The following EEF2 variants were observed in gnomAD, a reference collection of about 807,000 sequenced individuals.
The protein encoded by EEF2 is eukaryotic translation elongation factor 2.
In EEF2, 21 loss-of-function variants were observed where a neutral mutation model predicts 85.3. The ratio of observed to expected loss-of-function variants is 0.25; its 90% CI spans 0.17 to 0.35. EEF2 has a LOEUF of 0.35. Ranked by LOEUF, EEF2 falls within the 10% of genes least tolerant of loss-of-function variation. EEF2 has a pLI of 1.00. For synonymous variants in EEF2, 723 were observed against 508.8 expected (o/e 1.42, Z -5.67); for missense variants, 825 against 1,225.3 (o/e 0.67, Z 4.88).
At chr19:3,982,479 G>A (rs755164897) in intron 4 of EEF2, 55 bp from the exon 5 acceptor site, 2 of 1,609,840 alleles carry the variant, frequency 1.2e-6, no homozygotes, top group Non-Finnish European at 1.7e-6. Context: ...AGAGCCTGAA[G>A]CTACGGGCTG....
At chr19:3,976,798 A>ACT (rs2039684860) in intron 14 of EEF2, 51 bp from the exon 15 acceptor site, 2 of 1,468,390 alleles carry the variant, frequency 1.4e-6, no homozygotes, top group South Asian at 2.8e-5. Flanking sequence ...GTGGCAGGGC[A>ACT]GAAGGAAAGT....
chr19:3,983,174 G>C lies in EEF2; in HGVS notation c.336C>G (p.Ser112=), dbSNP rs979897757. The C allele has an allele frequency of 5.0e-6, 8 of 1,614,000 alleles. No homozygotes were observed. The highest frequency in any genetic ancestry group is 6.8e-6 in the Non-Finnish European group (8 of 1,180,030). The change falls in exon 3 of 15, where the codon TCC becomes TCG. Residue 112 remains serine, a synonymous_variant. Transcript: ENST00000309311. Reference sequence around the variant, plus strand: ...CTCGGAGGGCAGCAGTCACCTCCGAGGAGAAGTCGACATGCCCGGGGGAGT... The same window carrying C: ...CTCGGAGGGCAGCAGTCACCTCCGACGAGAAGTCGACATGCCCGGGGGAGT... ...LIDSPGHVDF[S]SEVTAALRVT... is the part of the protein sequence containing the mutation.
chr19:3,983,921 C>A (rs1337612486), intron 2 of EEF2: 1 of 588,328 alleles, frequency 1.7e-6, no homozygotes, highest in East Asian at 2.9e-5. Flanking sequence ...GGAGTTAAGC[C>A]CCCTCCTCAA....
At chr19:3,982,681 C>T in intron 4 of EEF2, 126 bp downstream of exon 4, 5 of 1,199,148 alleles carry the variant, frequency 4.2e-6, no homozygotes, top group Non-Finnish European at 4.7e-6. Flanking sequence ...TTCCAGCCCC[C>T]TTCTCTGTCA....
At chr19:3,984,007 T>C (rs2145367085) in intron 2 of EEF2, 129 bp downstream of exon 2, 1 of 962,024 alleles carries the variant, frequency 1.0e-6, no homozygotes. Flanking sequence ...CCTCACTCAT[T>C]CTCCCATGAA....
At chr19:3,983,313 CAG>C in intron 2 of EEF2, 22 bp from the exon 3 acceptor site, 1 of 1,607,264 alleles carries the variant, frequency 6.2e-7, no homozygotes, top group African/African-American at 1.3e-5. Flanking sequence ...AGGGACTCGT[CAG>C]GGGGACAGGA....
At chr19:3,981,280 A>C in intron 7 of EEF2, 59 bp downstream of exon 7, 1 of 1,530,452 alleles carries the variant, frequency 6.5e-7, no homozygotes, top group Admixed American at 1.7e-5. Flanking sequence ...GGGCTGTCAG[A>C]GCATCCGGAA....
At chr19:3,981,901 G>A (rs1362000885) in intron 6 of EEF2, 46 bp downstream of exon 6, 4 of 1,580,410 alleles carry the variant, frequency 2.5e-6, no homozygotes, top group South Asian at 2.2e-5. Context: ...CAGGGCCGAG[G>A]GCCAATAGTC....
Position 3,977,066 on chromosome 19 carries a change from CCACAAGCTGT to C in EEF2, c.2383+139_2383+148del. 8.2e-7 allele frequency: 1 copy of C among 1,216,584 alleles called. No homozygotes were observed. Among genetic ancestry groups the C allele is most frequent in the South Asian group, 1.5e-5 (1 of 65,410 alleles). 75.4% of individuals were successfully genotyped at this position (1,216,584 alleles called of 1,614,324 possible). A position where few individuals can be genotyped will look rare whatever the true frequency, so the allele number is the denominator to read the frequency against. ...CTGGGAATTCAGTGATTTAGGGGGT[CCACAAGCTGT>C]CAGAAACTGGACCACCTGCTCCATC... On this transcript the variant is annotated intron_variant, in intron 14 of 14. Transcript: ENST00000309311. This position sits in a 1 kb window ranked among gnomAD's most constrained non-coding sequence, Gnocchi z 5.4.
chr19:3,977,494 G>T lies in EEF2; in HGVS notation c.2184C>A (p.Cys728Ter). 6.3e-7 allele frequency: 1 copy of T among 1,589,184 alleles called. No individual in the cohort carries two copies. The change falls in exon 13 of 15, where the codon TGC becomes TGA. Residue 728 changes from cysteine to a stop codon, truncating the protein, a stop_gained. Transcript: ENST00000309311. LOFTEE classifies it high-confidence loss of function. The surrounding 1 kb of genome is among the most constrained non-coding windows in gnomAD (Gnocchi z 5.4). ...GGQIIPTARR[C>*]LYASVLTAQP... is the part of the protein sequence containing the mutation. ...GGGCGGTCAGCACACTGGCATAGAG[G>T]CAGCGCCGTGCTGTGGGGATGATCT...
Position 3,982,313 on chromosome 19 carries a change from C to A in EEF2, c.724G>T (p.Gly242Cys), listed in dbSNP as rs2039760901. Residue 242 changes from glycine (G) to cysteine (C), a missense_variant, in exon 5 of 15, where the codon GGC becomes TGC. Physicochemically the swap from Gly to Cys is radical, Grantham distance 159. Coordinates refer to ENST00000309311, the MANE Select transcript of EEF2 (RefSeq NM_001961.4). ...GCCCGCTCGGCAGGCCCCAACTGGC[C>A]CTCCCCCTTGGCGGCGAACTTGGCC... ...YVAKFAAKGE[G>C]QLGPAERAKK... 6 of 1,614,170 alleles carry A rather than the reference C, an allele frequency of 3.7e-6. No individual in the cohort carries two copies. Among genetic ancestry groups the A allele is most frequent in the Non-Finnish European group, 5.1e-6 (6 of 1,180,028 alleles).
At position 3,980,853 on chromosome 19, in the gene EEF2, C is replaced by A; in HGVS notation, c.1138G>T (p.Glu380Ter). The A allele has an allele frequency of 6.4e-7, 1 of 1,566,232 alleles. No homozygotes were observed. Residue 380 changes from glutamate to a stop codon, truncating the protein, a stop_gained, in exon 8 of 15, where the codon GAG (glutamate) becomes TAG (stop). Coordinates refer to ENST00000309311, the MANE Select transcript of EEF2 (RefSeq NM_001961.4). LOFTEE classifies it high-confidence loss of function. ...CGGGACCACGTACCCATGGCAGCCT[C>A]GTCGTCCGGGGGCCCCTCGTACAGG... ...ELLYEGPPDD[E>*]AAMGIKSCDP...
chr19:3,982,517 A>G, intron 4 of EEF2, 93 bp from the exon 5 acceptor site: 1 of 1,497,686 alleles, frequency 6.7e-7, no homozygotes, highest in South Asian at 1.1e-5. Context: ...CCTCAGACGC[A>G]GGCTTTCTTC....
rs867051651 is a variant in EEF2 at position 3,984,345 on chromosome 19, G to A, written c.9C>T (p.Asn3=). 1.2e-6 allele frequency: 2 copies of A among 1,613,946 alleles called. No homozygotes were observed. Among genetic ancestry groups the A allele is most frequent in the Middle Eastern group, 1.6e-4 (1 of 6,082 alleles). The part of the protein sequence containing the change: MV[N]FTVDQIRAIM... ...TGGCGCGGATCTGGTCTACCGTGAA[G>A]TTCACCTGGGCAAGACAAGGAGGCT... The change falls in exon 2 of 15, where the codon AAC becomes AAT. Residue 3 remains asparagine (N), a synonymous_variant. Transcript: ENST00000309311.
At chr19:3,983,873 T>G (rs80168688) in intron 2 of EEF2, 1 of 523,426 alleles carries the variant, frequency 1.9e-6, no homozygotes, top group East Asian at 3.4e-5. Flanking sequence ...CCAGATATTG[T>G]AGGAGTGGGG....
rs780887888 is a variant in EEF2, at chr19:3,983,308, C to G, written c.219-17G>C. 11 of 1,609,756 alleles carry G rather than the reference C, an allele frequency of 6.8e-6. No homozygotes were observed. Among genetic ancestry groups the G allele is most frequent in the Non-Finnish European group, 9.3e-6 (11 of 1,177,736 alleles). Reference sequence around the variant, plus strand: ...GAGATGGCACTGATGGAGGGAGGGACTCGTCAGGGGGACAGGAGCCACACA... The same window carrying G: ...GAGATGGCACTGATGGAGGGAGGGAGTCGTCAGGGGGACAGGAGCCACACA... On this transcript the variant is annotated splice_polypyrimidine_tract_variant and intron_variant, in intron 2 of 14. Coordinates refer to ENST00000309311, the MANE Select transcript of EEF2 (RefSeq NM_001961.4).
intron 11 of EEF2, among the ~76,000 whole-genome samples, chr19:3,978,682 G>GT (rs2039706362): frequency 6.6e-6 from 1 of 151,470 alleles, no homozygotes; most frequent in Non-Finnish European, 1.5e-5. Context: ...GCAGGCGCCT[G>GT]AAGTCCCAGC....
intron 1 of EEF2, 128 bp downstream of exon 1, chr19:3,985,250 G>A: frequency 2.8e-6 from 3 of 1,088,292 alleles, no homozygotes; most frequent in Admixed American, 4.2e-5. Flanking sequence ...CCAGCCCCGG[G>A]TCCTCCGGCC....
At chr19:3,984,436 T>C in intron 1 of EEF2, 86 bp from the exon 2 acceptor site, 5 of 1,439,104 alleles carry the variant, frequency 3.5e-6, no homozygotes, top group Non-Finnish European at 4.8e-6. Flanking sequence ...CGAACCAGCA[T>C]GCCCAAGGCC....
Sources: gnomAD v4.1 joint callset for allele counts (sites outside exome capture counted in the v4.1 genomes callset) on GRCh38, gnomAD v4.1.1 for gene constraint, Gnocchi (gnomAD v3.1) non-coding constraint, MANE v1.5 for transcripts, NCBI Gene and HGNC (gene_info 2026-07-23, HGNC 2026-07-21) for gene names.